Variants in CGRRF1 observed in about 807,000 individuals in gnomAD.
CGRRF1 encodes cell growth regulator with RING finger domain protein 1.
CGRRF1 carries 32 observed loss-of-function variants against 37.2 expected under a neutral mutation model. The ratio of observed to expected loss-of-function variants is 0.86; its 90% CI spans 0.65 to 1.16. The LOEUF is 1.16. Among genes scored for constraint, CGRRF1 ranks in the 50% most tolerant of loss-of-function variants. The pLI, the probability that CGRRF1 is intolerant of heterozygous loss-of-function variation, is 0.00. For missense variants in CGRRF1, 391 were observed against 382.6 expected, an observed-to-expected ratio of 1.02 and a Z score of -0.18; for synonymous variants, 141 against 140.3, an observed-to-expected ratio of 1.00 and a Z score of -0.04.
chr14:54,522,389 T>G, intron 1 of CGRRF1, 65 bp from the exon 2 acceptor site: 1 of 1,186,988 alleles, frequency 8.4e-7, no homozygotes, highest in Non-Finnish European at 1.1e-6. Context: ...GCACAACAGA[T>G]TTTACACATA....
chr14:54,533,598 T>C (rs1443024998), intron 4 of CGRRF1, among the ~76,000 whole-genome samples: 1 of 152,128 alleles, frequency 6.6e-6, no homozygotes, highest in Non-Finnish European at 1.5e-5. Flanking sequence ...GTTTTTTCAG[T>C]ATTGTATGTG....
chr14:54,529,157 T>C (rs998898082), intron 2 of CGRRF1, among the ~76,000 whole-genome samples: 4 of 152,224 alleles, frequency 2.6e-5, no homozygotes, highest in Middle Eastern at 3.4e-3. Flanking sequence ...TTTTATCTAG[T>C]CAGTGTATCA....
chr14:54,523,808 C>T (rs1273338244), intron 2 of CGRRF1, among the ~76,000 whole-genome samples: 2 of 152,146 alleles, frequency 1.3e-5, no homozygotes, highest in Non-Finnish European at 2.9e-5. Flanking sequence ...TCTTTCGTGA[C>T]AGTTCAATAG....
chr14:54,510,524 C>T (rs902386641), intron 1 of CGRRF1, among the ~76,000 whole-genome samples: 4 of 152,168 alleles, frequency 2.6e-5, no homozygotes, highest in African/African-American at 9.7e-5. Context: ...AGCCCTTAGC[C>T]TCAGATCTTT....
chr14:54,532,978 G>A (rs1306906900), intron 4 of CGRRF1, among the ~76,000 whole-genome samples: 2 of 151,974 alleles, frequency 1.3e-5, no homozygotes, highest in Non-Finnish European at 2.9e-5. Context: ...CTTGGGTTCT[G>A]TTCTCCTTTT....
At position 54,524,475 on chromosome 14, in the gene CGRRF1, C is replaced by T. The variant is rs113096973; in HGVS notation, c.244+1882C>T. ...ATCATACCTCACTGCAGCCCCAATA[C>T]CCTGGGCTCAAGTGGTCCTCCTGCC... On this transcript the variant is annotated intron_variant, in intron 2 of 5. Transcript: ENST00000216420. 4.1e-3 allele frequency among the ~76,000 whole-genome samples: 620 copies of T among 150,824 alleles called. 2 individuals carry two copies. The highest frequency in any genetic ancestry group is 6.8e-3 in the Middle Eastern group (2 of 292).
chr14:54,521,544 G>T (rs1326574711), intron 1 of CGRRF1, among the ~76,000 whole-genome samples: 2 of 150,782 alleles, frequency 1.3e-5, no homozygotes, highest in East Asian at 3.9e-4. Context: ...TTGCTCTGTT[G>T]CCCAGGCTGG....
intron 1 of CGRRF1, among the ~76,000 whole-genome samples, chr14:54,520,265 C>T (rs1340632060): frequency 1.3e-5 from 2 of 151,994 alleles, no homozygotes; most frequent in African/African-American, 2.4e-5. Context: ...CCCACCACCA[C>T]GCCTGGCTAA....
chr14:54,522,443 C>A lies in CGRRF1; in HGVS notation c.105-11C>A. 1 of 1,513,380 alleles carries A rather than the reference C, an allele frequency of 6.6e-7. No individual in the cohort carries two copies. Among genetic ancestry groups the A allele is most frequent in the Non-Finnish European group, 8.8e-7 (1 of 1,130,942 alleles). 93.7% of individuals were successfully genotyped at this position (1,513,380 alleles called of 1,614,324 possible). ...TGTTAAAATAATATTTTATTTTTTA[C>A]CTTTTTTTAGGTTTGGTTGGGATGT... On this transcript the variant is annotated splice_polypyrimidine_tract_variant and intron_variant, in intron 1 of 5. Transcript: ENST00000216420.
At chr14:54,510,561 C>T (rs1159952214) in intron 1 of CGRRF1, among the ~76,000 whole-genome samples, 1 of 152,142 alleles carries the variant, frequency 6.6e-6, no homozygotes, top group Non-Finnish European at 1.5e-5. Context: ...TGAACTGTTA[C>T]CGTTTGAGAA....
intron 1 of CGRRF1, 58 bp from the exon 2 acceptor site, chr14:54,522,396 C>T: frequency 1.6e-6 from 2 of 1,226,926 alleles, no homozygotes; most frequent in South Asian, 1.7e-5. Flanking sequence ...AGATTTTACA[C>T]ATAACATAAA....
intron 4 of CGRRF1, among the ~76,000 whole-genome samples, chr14:54,535,721 T>G (rs2140067866): frequency 6.6e-6 from 1 of 152,316 alleles, no homozygotes; most frequent in South Asian, 2.1e-4. Flanking sequence ...TTGCCAGATT[T>G]CATCTTTACT....
At chr14:54,522,703 G>C in intron 2 of CGRRF1, 110 bp downstream of exon 2, 1 of 1,037,894 alleles carries the variant, frequency 9.6e-7, no homozygotes, top group Non-Finnish European at 1.4e-6. Flanking sequence ...ACAAACATTT[G>C]TTGGGCAACT....
intron 1 of CGRRF1, among the ~76,000 whole-genome samples, chr14:54,517,630 A>G (rs1012489108): frequency 1.9e-4 from 29 of 151,546 alleles, no homozygotes; most frequent in Non-Finnish European, 3.5e-4. Flanking sequence ...TTTTCCTTCA[A>G]CTTTTAAGTT....
intron 1 of CGRRF1, among the ~76,000 whole-genome samples, chr14:54,518,484 A>C (rs2032255063): frequency 6.6e-6 from 1 of 150,834 alleles, no homozygotes; most frequent in South Asian, 2.1e-4. Context: ...CAGGAGGTGG[A>C]GGTTGCGGTG....
chr14:54,530,098 C>T lies in CGRRF1; in HGVS notation c.294C>T (p.Cys98=), dbSNP rs763508165. The T allele has an allele frequency of 1.2e-6, 2 of 1,613,520 alleles. No individual in the cohort carries two copies. The highest frequency in any genetic ancestry group is 1.7e-6 in the Non-Finnish European group (2 of 1,179,564). ...TDCLEDSLLT[C]YWGCSVQKLY... is the part of the protein sequence containing the mutation. Reference sequence around the variant, plus strand: ...GCCTTGAAGATAGCCTCCTTACATGCTACTGGGGGTGCAGTGTTCAAAAAT... The same window carrying T: ...GCCTTGAAGATAGCCTCCTTACATGTTACTGGGGGTGCAGTGTTCAAAAAT... Residue 98 remains cysteine (C), a synonymous_variant, in exon 3 of 6, where the codon TGC becomes TGT. Transcript: ENST00000216420.
intron 2 of CGRRF1, among the ~76,000 whole-genome samples, chr14:54,527,185 C>CA (rs1190489794): frequency 6.7e-6 from 1 of 149,204 alleles, no homozygotes; most frequent in Non-Finnish European, 1.5e-5. Flanking sequence ...TTTTAGAAGG[C>CA]AAAAAAATAC....
intron 2 of CGRRF1, among the ~76,000 whole-genome samples, chr14:54,526,144 ATTTT>A (rs745596386): frequency 1.9e-5 from 2 of 107,068 alleles, no homozygotes; most frequent in Non-Finnish European, 3.7e-5. Context: ...TATATTTAAG[ATTTT>A]TTTTTTTTTT....
At chr14:54,510,095 C>A in intron 1 of CGRRF1, 32 bp downstream of exon 1, 1 of 1,511,598 alleles carries the variant, frequency 6.6e-7, no homozygotes, top group Non-Finnish European at 9.2e-7. Flanking sequence ...GACGAAGGGG[C>A]GGATACCGCC....
Sources: allele counts gnomAD v4.1 joint callset (sites outside exome capture counted in the v4.1 genomes callset), GRCh38; gene constraint gnomAD v4.1.1; transcripts MANE v1.5; gene names NCBI Gene and HGNC (gene_info 2026-07-23, HGNC 2026-07-21).